Variants in PPP4R4 observed in about 807,000 individuals in gnomAD.
PPP4R4 encodes protein phosphatase 4 regulatory subunit 4.
A neutral mutation model predicts 121.8 loss-of-function variants in PPP4R4; 70 were observed. That is an observed-to-expected ratio of 0.57 (90% CI 0.47 to 0.70). PPP4R4 has a LOEUF of 0.70. Ranked by LOEUF, PPP4R4 falls within the 30% of genes least tolerant of loss-of-function variation. The pLI, the probability that PPP4R4 is intolerant of heterozygous loss-of-function variation, is 0.00. For synonymous variants in PPP4R4, 348 were observed against 355.7 expected (o/e 0.98, Z 0.24); for missense variants, 875 against 1,033.6 (o/e 0.85, Z 2.10).
chr14:94,241,630 T>C (rs1892640880), intron 9 of PPP4R4, among the ~76,000 whole-genome samples, 158 bp from the exon 10 acceptor site: 1 of 152,134 alleles, frequency 6.6e-6, no homozygotes, highest in South Asian at 2.1e-4. Flanking sequence ...GTTAGATTCC[T>C]AACAGATACT....
At chr14:94,234,215 A>C (rs984473811) in intron 6 of PPP4R4, among the ~76,000 whole-genome samples, 9 of 152,172 alleles carry the variant, frequency 5.9e-5, no homozygotes, top group Non-Finnish European at 1.3e-4. Flanking sequence ...AAAAGAATGG[A>C]ATGTTTTATA....
chr14:94,277,611 A>C (rs1595558598), intron 24 of PPP4R4, among the ~76,000 whole-genome samples: 1 of 152,174 alleles, frequency 6.6e-6, no homozygotes, highest in Non-Finnish European at 1.5e-5. Flanking sequence ...CACTTGCTAT[A>C]TTTTTCTAAA....
At chr14:94,277,298 T>C (rs1293584334) in intron 24 of PPP4R4, among the ~76,000 whole-genome samples, 1 of 151,934 alleles carries the variant, frequency 6.6e-6, no homozygotes, top group East Asian at 1.9e-4. Context: ...TGAAACTCCG[T>C]CTCAAAAAAA....
intron 3 of PPP4R4, among the ~76,000 whole-genome samples, chr14:94,226,534 G>T (rs533915499): frequency 6.6e-6 from 1 of 152,048 alleles, no homozygotes; most frequent in Non-Finnish European, 1.5e-5. Context: ...ATCATTAAAG[G>T]TATCTTAGAA....
At chr14:94,260,008 T>C (rs1262645343) in intron 19 of PPP4R4, among the ~76,000 whole-genome samples, 1 of 152,206 alleles carries the variant, frequency 6.6e-6, no homozygotes, top group East Asian at 1.9e-4. Context: ...ACAAATATAG[T>C]TGCTTTGAAC....
chr14:94,232,861 G>A (rs1028151673), intron 5 of PPP4R4, among the ~76,000 whole-genome samples: 4 of 151,830 alleles, frequency 2.6e-5, no homozygotes, highest in East Asian at 3.9e-4. Flanking sequence ...GATTGAGACC[G>A]TCCTGGCTAA....
intron 3 of PPP4R4, chr14:94,227,222 A>G: frequency 7.8e-7 from 1 of 1,288,856 alleles, no homozygotes; most frequent in Non-Finnish European, 1.1e-6. Flanking sequence ...TGTAAGAGGA[A>G]TGGTAACTGG....
intron 3 of PPP4R4, among the ~76,000 whole-genome samples, chr14:94,218,285 G>T (rs1891138382): frequency 6.6e-6 from 1 of 152,114 alleles, no homozygotes; most frequent in African/African-American, 2.4e-5. Flanking sequence ...ACAAAGCATA[G>T]ATCTAAGAAG....
In PPP4R4 at chr14:94,259,228, G is replaced by T. The variant is rs959987455; in HGVS notation, c.2053-67G>T. On this transcript the variant is annotated intron_variant, in intron 18 of 24. Coordinates refer to ENST00000304338, the MANE Select transcript of PPP4R4 (RefSeq NM_058237.2). ...TCAAACCATATCATTTATATTGAAA[G>T]GAATATTTTAAACTTGGCAGAAACT... 3.3e-6 allele frequency: 5 copies of T among 1,533,730 alleles called. No individual in the cohort carries two copies. In the African/African-American group the frequency reaches 5.6e-5, roughly 17 times the overall value.
intron 16 of PPP4R4, among the ~76,000 whole-genome samples, chr14:94,255,777 A>G (rs889977813): frequency 6.6e-6 from 1 of 152,178 alleles, no homozygotes; most frequent in Admixed American, 6.5e-5. Context: ...TAGACAGATG[A>G]TGCTTGTAAA....
chr14:94,190,208 C>T lies in PPP4R4; in HGVS notation c.191+14081C>T, dbSNP rs77117157. ...TTGTTTGTTTATTTTTAATAACTGT[C>T]GGCTACTATTCTGTTTTCTGAGTTT... is the stretch of plus-strand genomic sequence containing the variant. On this transcript the variant is annotated intron_variant, in intron 2 of 24. Transcript: ENST00000304338. 3.1e-3 allele frequency among the ~76,000 whole-genome samples: 473 copies of T among 152,098 alleles called. 2 individuals carry two copies. The highest frequency in any genetic ancestry group is 0.011 in the African/African-American group (458 of 41,490).
chr14:94,264,674 C>A (rs1232802495), intron 19 of PPP4R4, among the ~76,000 whole-genome samples: 1 of 152,116 alleles, frequency 6.6e-6, no homozygotes, highest in African/African-American at 2.4e-5. Context: ...GCTTGACAAA[C>A]CCTCAAGGGC....
chr14:94,251,811 A>C lies in PPP4R4; in HGVS notation c.1780A>C (p.Ile594Leu). The part of the protein sequence containing the change: ...LRFLDTCEFI[I>L]EIFSKSFFCK... ...ATTTTTGGATACCTGTGAATTTATT[A>C]TAGAGATATTTTCAAAATCATTTTT... is the stretch of plus-strand genomic sequence containing the variant. Residue 594 changes from isoleucine (I) to leucine (L), a missense_variant, in exon 16 of 25, where the codon ATA becomes CTA. Physicochemically the swap from Ile to Leu is conservative, Grantham distance 5. Transcript: ENST00000304338. 1 of 1,599,476 alleles carries C rather than the reference A, an allele frequency of 6.3e-7. No homozygotes were observed. The highest frequency in any genetic ancestry group is 1.1e-5 in the South Asian group (1 of 89,404).
At chr14:94,273,513 C>A (rs1369419654) in intron 23 of PPP4R4, among the ~76,000 whole-genome samples, 3 of 152,090 alleles carry the variant, frequency 2.0e-5, no homozygotes, top group Admixed American at 2.0e-4. Context: ...TGAAAACACT[C>A]TGTATGATAC....
intron 2 of PPP4R4, among the ~76,000 whole-genome samples, chr14:94,192,555 T>C (rs571165337): frequency 6.6e-6 from 1 of 152,338 alleles, no homozygotes; most frequent in Admixed American, 6.5e-5. Flanking sequence ...ATCTGCTTTA[T>C]TGTTATAAAT....
At position 94,247,294 on chromosome 14, in the gene PPP4R4, C is replaced by A. The variant is rs1232792456; in HGVS notation, c.1611+755C>A. ...AAGGCTTGGGACAAGCCCAACTGGT[C>A]AGGCCTGCCTCTGGGGCAGATGCTG... On this transcript the variant is annotated intron_variant, in intron 14 of 24. Transcript: ENST00000304338. Among the ~76,000 whole-genome samples, 22 of 152,236 alleles carry A rather than the reference C, an allele frequency of 1.4e-4. 1 individual carries two copies. Among genetic ancestry groups the A allele is most frequent in the Admixed American group, 1.4e-3 (22 of 15,280 alleles).
chr14:94,224,706 G>A (rs942100410), intron 3 of PPP4R4, among the ~76,000 whole-genome samples: 1 of 152,106 alleles, frequency 6.6e-6, no homozygotes, highest in Admixed American at 6.5e-5. Context: ...TGAGACATCC[G>A]AAGTAGAGTT....
At chr14:94,270,022 C>T (rs894835989) in intron 23 of PPP4R4, among the ~76,000 whole-genome samples, 1 of 152,028 alleles carries the variant, frequency 6.6e-6, no homozygotes, top group African/African-American at 2.4e-5. Context: ...CTTATGTAAG[C>T]TGTTAGTAGA....
Position 94,265,421 on chromosome 14 carries a change from C to G in PPP4R4, c.2232C>G (p.Pro744=), listed in dbSNP as rs763468753. The G allele has an allele frequency of 1.9e-6, 3 of 1,613,196 alleles. No homozygotes were observed. The highest frequency in any genetic ancestry group is 2.5e-6 in the Non-Finnish European group (3 of 1,179,308). The change falls in exon 21 of 25, where the codon CCC becomes CCG. Residue 744 remains proline, a synonymous_variant. Coordinates refer to ENST00000304338, the MANE Select transcript of PPP4R4 (RefSeq NM_058237.2). ...CTAAGACACCAACGCAAAGTCTGCC[C>G]AAGAACATCCCCATTTCTGTTCCTG... ...RDTKTPTQSL[P]KNIPISVPGP...
Sources: gnomAD v4.1 joint callset for allele counts (sites outside exome capture counted in the v4.1 genomes callset) on GRCh38, gnomAD v4.1.1 for gene constraint, MANE v1.5 for transcripts, NCBI Gene and HGNC (gene_info 2026-07-23, HGNC 2026-07-21) for gene names.